DNAH7: variants seen among roughly 807,000 people sequenced by gnomAD.
DNAH7 encodes dynein axonemal heavy chain 7.
In DNAH7, 397 loss-of-function variants were observed where a neutral mutation model predicts 444.6. The ratio of observed to expected loss-of-function variants is 0.89; its 90% confidence interval spans 0.82 to 0.97. DNAH7 has a LOEUF of 0.97. Among genes scored for constraint, DNAH7 ranks in the 50% least tolerant of loss-of-function variants. DNAH7 has a pLI of 0.00. For synonymous variants in DNAH7, 1,636 were observed against 1,624.4 expected (o/e 1.01, Z -0.17); for missense variants, 4,902 against 4,800.8 (o/e 1.02, Z -0.62).
intron 1 of DNAH7, among the ~76,000 whole-genome samples, chr2:196,060,971 T>A (rs1698101940): frequency 6.6e-6 from 1 of 152,172 alleles, no homozygotes. Context: ...ATTTTTAAAT[T>A]TACAAATAAA....
intron 33 of DNAH7, among the ~76,000 whole-genome samples, chr2:195,887,230 A>G (rs2125203369): frequency 6.6e-6 from 1 of 151,636 alleles, no homozygotes; most frequent in Admixed American, 6.6e-5. Context: ...TTCGTTTATT[A>G]TTTGTATTAT....
At chr2:195,995,164 G>A (rs979508026) in intron 12 of DNAH7, 8 of 312,254 alleles carry the variant, frequency 2.6e-5, no homozygotes, top group South Asian at 1.6e-4. Flanking sequence ...TCTTGACCTC[G>A]TGACCTGCCC....
At chr2:195,863,843 T>C (rs1700161601) in intron 41 of DNAH7, among the ~76,000 whole-genome samples, 1 of 152,198 alleles carries the variant, frequency 6.6e-6, no homozygotes, top group East Asian at 1.9e-4. Context: ...CTGTGAACAG[T>C]TCCTTCATTA....
intron 1 of DNAH7, among the ~76,000 whole-genome samples, chr2:196,058,958 A>G (rs1697983032): frequency 6.6e-6 from 1 of 152,230 alleles, no homozygotes; most frequent in Non-Finnish European, 1.5e-5. Flanking sequence ...TAAAGACTGC[A>G]TTGCTCTAGC....
At chr2:195,826,479 G>A (rs1468791779) in intron 48 of DNAH7, among the ~76,000 whole-genome samples, 1 of 152,210 alleles carries the variant, frequency 6.6e-6, no homozygotes, top group East Asian at 1.9e-4. Flanking sequence ...GCAGGGACAT[G>A]AACCTGGCTG....
intron 19 of DNAH7, among the ~76,000 whole-genome samples, chr2:195,949,023 G>C (rs1008300083): frequency 1.3e-5 from 2 of 152,088 alleles, no homozygotes; most frequent in African/African-American, 4.8e-5. Flanking sequence ...CTTGTAAGTT[G>C]TATTCCTAGG....
chr2:195,945,284 C>A (rs976506090), intron 19 of DNAH7, among the ~76,000 whole-genome samples: 7 of 152,164 alleles, frequency 4.6e-5, no homozygotes, highest in African/African-American at 1.4e-4. Context: ...GGATTTACTA[C>A]TTCTGCCCCA....
intron 34 of DNAH7, among the ~76,000 whole-genome samples, chr2:195,885,109 A>G (rs1406425160): frequency 6.6e-6 from 1 of 152,226 alleles, no homozygotes; most frequent in African/African-American, 2.4e-5. Context: ...GCTTGATATT[A>G]AAAGGAACAT....
At chr2:195,905,282 A>G (rs1686944429) in intron 27 of DNAH7, 1 of 152,206 alleles carries the variant, frequency 6.6e-6, no homozygotes, top group African/African-American at 2.4e-5. Flanking sequence ...GAACTGCAAC[A>G]ACAACAAGAA....
chr2:195,796,449 G>A, intron 56 of DNAH7, 127 bp downstream of exon 56: 1 of 1,123,994 alleles, frequency 8.9e-7, no homozygotes, highest in Non-Finnish European at 1.2e-6. Context: ...TCTCTCTCCT[G>A]CAATCCAGCC....
At chr2:195,988,717 TGA>T (rs1415400021) in intron 12 of DNAH7, among the ~76,000 whole-genome samples, 3 of 152,128 alleles carry the variant, frequency 2.0e-5, no homozygotes, top group Non-Finnish European at 4.4e-5. Flanking sequence ...CTAGCTATTT[TGA>T]GATATATAAT....
rs1302954314 is a variant in DNAH7 at position 195,985,891 on chromosome 2, A to ACAGTACCT, written c.1754+1167_1754+1174dup. ...TACTCAAGTCCTAGTCCTCTTTCAC[A>ACAGTACCT]CAGTACCTTCATCCCCAGCCTTTCC... On this transcript the variant is annotated intron_variant, in intron 14 of 64. Coordinates refer to ENST00000312428, the MANE Select transcript of DNAH7 (RefSeq NM_018897.3). Among the ~76,000 whole-genome samples the ACAGTACCT allele has an allele frequency of 2.0e-5, 3 of 152,150 alleles. No homozygotes were observed. The East Asian group carries it at 5.8e-4, about 29-fold the overall frequency.
At chr2:195,870,064 T>C (rs755382351) in intron 40 of DNAH7, among the ~76,000 whole-genome samples, 1 of 152,184 alleles carries the variant, frequency 6.6e-6, no homozygotes, top group Admixed American at 6.5e-5. Flanking sequence ...AGCACTGTTA[T>C]GTATAATCTC....
chr2:195,944,331 G>A (rs1689658320), intron 19 of DNAH7, among the ~76,000 whole-genome samples: 1 of 152,120 alleles, frequency 6.6e-6, no homozygotes, highest in African/African-American at 2.4e-5. Context: ...CATTACAGAA[G>A]CCAGGTTTGG....
intron 48 of DNAH7, 137 bp from the exon 49 acceptor site, chr2:195,824,582 T>C: frequency 1.3e-6 from 1 of 750,796 alleles, no homozygotes; most frequent in South Asian, 2.5e-5. Flanking sequence ...TTTTGTCTTC[T>C]GAAAAGTATA....
chr2:195,995,987 T>C (rs570454531), intron 12 of DNAH7, among the ~76,000 whole-genome samples: 1 of 152,362 alleles, frequency 6.6e-6, no homozygotes, highest in Admixed American at 6.5e-5. Context: ...TTGGGTAGTA[T>C]GGACATTTTA....
chr2:195,930,839 C>A (rs140118186), intron 21 of DNAH7, among the ~76,000 whole-genome samples: 102 of 152,262 alleles, frequency 6.7e-4, no homozygotes, highest in African/African-American at 2.4e-3. Flanking sequence ...TAATACTATG[C>A]AGCCACAAAA....
intron 17 of DNAH7, among the ~76,000 whole-genome samples, chr2:195,967,198 A>G (rs542700692): frequency 6.6e-6 from 1 of 152,320 alleles, no homozygotes; most frequent in Admixed American, 6.5e-5. Flanking sequence ...AACTGAAGAC[A>G]ATACTGATTG....
intron 2 of DNAH7, among the ~76,000 whole-genome samples, chr2:196,054,466 G>T (rs916206883): frequency 2.6e-5 from 4 of 152,142 alleles, no homozygotes; most frequent in African/African-American, 9.7e-5. Flanking sequence ...AGGTTGCCAT[G>T]AGCCAAGACT....
Sources: gnomAD v4.1 joint callset for allele counts (sites outside exome capture counted in the v4.1 genomes callset) on GRCh38, gnomAD v4.1.1 for gene constraint, MANE v1.5 for transcripts, NCBI Gene and HGNC (gene_info 2026-07-23, HGNC 2026-07-21) for gene names.